Variants in LDB2 observed in about 807,000 individuals in gnomAD.
LDB2 encodes the protein LIM domain-binding protein 2.
A neutral mutation model predicts 44.3 loss-of-function variants in LDB2; 12 were observed. The ratio of observed to expected loss-of-function variants is 0.27; its 90% CI spans 0.17 to 0.44. The LOEUF (loss-of-function observed/expected upper bound fraction) is 0.44. Ranked by LOEUF, LDB2 falls within the 20% of genes least tolerant of loss-of-function variation. The pLI is 1.00. For missense variants in LDB2, 344 were observed against 473.5 expected, an observed-to-expected ratio of 0.73 and a Z score of 2.54; for synonymous variants, 164 against 174.8, an observed-to-expected ratio of 0.94 and a Z score of 0.49.
chr4:16,814,015 G>A (rs1780426709), intron 1 of LDB2, among the ~76,000 whole-genome samples: 1 of 151,960 alleles, frequency 6.6e-6, no homozygotes, highest in South Asian at 2.1e-4. Flanking sequence ...GGGACTACAG[G>A]CGCCCACCAC....
At chr4:16,755,510 TGTGTGTGTGTGTGTATGTGA>T (rs1323642974) in intron 2 of LDB2, among the ~76,000 whole-genome samples, 1 of 99,978 alleles carries the variant, frequency 1.0e-5, no homozygotes, top group Admixed American at 1.0e-4. Context: ...TGTGTGTGTG[TGTGTGTGTGTGTGTATGTGA>T]GAGAGAGAGA....
chr4:16,588,129 TAG>T (rs1193849142), intron 4 of LDB2, among the ~76,000 whole-genome samples: 1 of 152,182 alleles, frequency 6.6e-6, no homozygotes, highest in African/African-American at 2.4e-5. Flanking sequence ...AATACATCTC[TAG>T]ATCGGCATAG....
intron 5 of LDB2, among the ~76,000 whole-genome samples, chr4:16,583,192 G>A (rs908398911): frequency 3.3e-5 from 5 of 152,180 alleles, no homozygotes; most frequent in African/African-American, 4.8e-5. Flanking sequence ...TTGTTTTGAC[G>A]AAGCTAGATG....
intron 1 of LDB2, among the ~76,000 whole-genome samples, chr4:16,779,454 T>C (rs1772679849): frequency 6.6e-6 from 1 of 151,952 alleles, no homozygotes; most frequent in Non-Finnish European, 1.5e-5. Context: ...CGAGACTAGG[T>C]GGCAAGTTAA....
intron 5 of LDB2, among the ~76,000 whole-genome samples, chr4:16,519,520 G>A (rs936923892): frequency 2.0e-5 from 3 of 151,728 alleles, no homozygotes; most frequent in Non-Finnish European, 4.4e-5. Context: ...GCCTTTCACT[G>A]TTTTTGTGTT....
intron 5 of LDB2, among the ~76,000 whole-genome samples, chr4:16,575,949 A>T (rs2152408776): frequency 6.6e-6 from 1 of 152,320 alleles, no homozygotes; most frequent in South Asian, 2.1e-4. Context: ...CATCTTGGAC[A>T]GGCTGGTCTT....
At chr4:16,589,847 CT>C (rs367779780) in intron 3 of LDB2, among the ~76,000 whole-genome samples, 17 of 152,246 alleles carry the variant, frequency 1.1e-4, no homozygotes, top group Middle Eastern at 3.4e-3. Context: ...CCCAATTCTA[CT>C]TTTTACTCAT....
At chr4:16,704,002 T>C (rs982273512) in intron 2 of LDB2, among the ~76,000 whole-genome samples, 5 of 152,196 alleles carry the variant, frequency 3.3e-5, no homozygotes, top group African/African-American at 1.2e-4. Flanking sequence ...GGGACTGTTA[T>C]CGGGTGCCCC....
At chr4:16,506,225 CCATT>C (rs1226307265) in intron 7 of LDB2, 1 of 426,308 alleles carries the variant, frequency 2.3e-6, no homozygotes, top group African/African-American at 2.0e-5. Flanking sequence ...CATTTAATGT[CCATT>C]CAACTCCAGG....
intron 1 of LDB2, among the ~76,000 whole-genome samples, chr4:16,817,565 C>T (rs1781180994): frequency 6.6e-6 from 1 of 152,226 alleles, no homozygotes; most frequent in East Asian, 1.9e-4. Flanking sequence ...AGCAGTAAAA[C>T]CCAATCCTCT....
At chr4:16,590,191 G>A (rs1382760565) in intron 3 of LDB2, among the ~76,000 whole-genome samples, 1 of 152,076 alleles carries the variant, frequency 6.6e-6, no homozygotes, top group Admixed American at 6.6e-5. Flanking sequence ...GATCCTCATT[G>A]ACTTTCTGGA....
chr4:16,831,164 C>T (rs1349923511), intron 1 of LDB2, among the ~76,000 whole-genome samples: 1 of 142,232 alleles, frequency 7.0e-6, no homozygotes, highest in Non-Finnish European at 1.5e-5. Context: ...GACAACTCAG[C>T]CTCTCTGAGC....
chr4:16,802,859 G>A (rs1778108275), intron 1 of LDB2, among the ~76,000 whole-genome samples: 1 of 152,116 alleles, frequency 6.6e-6, no homozygotes, highest in Admixed American at 6.5e-5. Context: ...ATTAATTTCA[G>A]ACCAAGTTTT....
intron 5 of LDB2, among the ~76,000 whole-genome samples, chr4:16,531,623 T>A (rs1225071049): frequency 6.6e-6 from 1 of 152,200 alleles, no homozygotes; most frequent in Non-Finnish European, 1.5e-5. Context: ...GGCAACTCCC[T>A]CAGGTTCACA....
chr4:16,683,761 C>G (rs976626717), intron 2 of LDB2, among the ~76,000 whole-genome samples: 8 of 152,188 alleles, frequency 5.3e-5, no homozygotes, highest in African/African-American at 1.9e-4. Context: ...AGCAGCTTAG[C>G]ACAACAGAAA....
Position 16,739,740 on chromosome 4 carries a change from A to G in LDB2, c.235+19418T>C, listed in dbSNP as rs1279809422. On this transcript the variant is annotated intron_variant, in intron 2 of 7. Coordinates refer to ENST00000304523, the MANE Select transcript of LDB2 (RefSeq NM_001290.5). Reference sequence around the variant, plus strand: ...TATATATACATATATGTGTATATACATACATATACATATATATATAACTAT... The same window carrying G: ...TATATATACATATATGTGTATATACGTACATATACATATATATATAACTAT... Among the ~76,000 whole-genome samples the G allele has an allele frequency of 2.7e-4, 29 of 107,220 alleles. 3 individuals carry two copies. Among genetic ancestry groups the G allele is most frequent in the African/African-American group, 4.1e-4 (10 of 24,470 alleles). The allele number at this position is 107,220 out of a possible 152,430, so 70.3% of individuals were successfully genotyped here. A position where few individuals can be genotyped will look rare whatever the true frequency, so the allele number is the denominator to read the frequency against.
At chr4:16,849,902 C>T (rs985322586) in intron 1 of LDB2, among the ~76,000 whole-genome samples, 2 of 152,156 alleles carry the variant, frequency 1.3e-5, no homozygotes, top group Non-Finnish European at 2.9e-5. Context: ...CATCTGGTAG[C>T]CTTTTGCATA....
intron 1 of LDB2, among the ~76,000 whole-genome samples, chr4:16,860,583 T>C (rs1240266523): frequency 1.3e-5 from 2 of 152,194 alleles, no homozygotes; most frequent in Non-Finnish European, 2.9e-5. Flanking sequence ...ATTCAATATC[T>C]CTGGTCCAGG....
At chr4:16,885,990 AG>A (rs1721567848) in intron 1 of LDB2, among the ~76,000 whole-genome samples, 1 of 152,120 alleles carries the variant, frequency 6.6e-6, no homozygotes, top group South Asian at 2.1e-4. Context: ...CCGAAGCAAG[AG>A]GATCACCATG....
Sources: allele counts gnomAD v4.1 joint callset (sites outside exome capture counted in the v4.1 genomes callset), GRCh38; gene constraint gnomAD v4.1.1; transcripts MANE v1.5; gene names NCBI Gene and HGNC (gene_info 2026-07-23, HGNC 2026-07-21).